The following PI15 variants were observed in gnomAD, a reference collection of about 807,000 sequenced individuals.
PI15 encodes 25 kDa trypsin inhibitor.
Under a neutral mutation model 31.0 loss-of-function variants are expected in PI15, and 18 were observed. The observed-to-expected ratio is 0.58, with a 90% CI of 0.40 to 0.86. PI15 has a LOEUF of 0.86. PI15 is among the 40% of genes least tolerant of loss of function. The pLI is 0.00. For synonymous variants in PI15, 118 were observed against 119.1 expected (o/e 0.99, Z 0.06); for missense variants, 282 against 328.1 (o/e 0.86, Z 1.09).
At chr8:74,828,586 T>C (rs1429062808) in intron 2 of PI15, among the ~76,000 whole-genome samples, 1 of 152,114 alleles carries the variant, frequency 6.6e-6, no homozygotes, top group African/African-American at 2.4e-5. Flanking sequence ...TTGTTCAACA[T>C]TGATTTGGAT....
chr8:74,834,369 A>G (rs1472901252), intron 2 of PI15, among the ~76,000 whole-genome samples: 1 of 152,192 alleles, frequency 6.6e-6, no homozygotes, highest in Non-Finnish European at 1.5e-5. Context: ...AGAAAAACTC[A>G]CAGGCTAGAG....
intron 2 of PI15, among the ~76,000 whole-genome samples, chr8:74,842,117 T>C (rs1586956821): frequency 6.6e-6 from 1 of 152,154 alleles, no homozygotes; most frequent in Non-Finnish European, 1.5e-5. Flanking sequence ...TTGAGGGAAA[T>C]GAAGCCTTTT....
In PI15 at chr8:74,854,055, G is replaced by A. The variant is rs964768489; in HGVS notation, c.*4802G>A. 1 of 151,468 alleles carries A rather than the reference G, an allele frequency of 6.6e-6. No homozygotes were observed. The highest frequency in any genetic ancestry group is 1.5e-5 in the Non-Finnish European group (1 of 67,776). 9.4% of individuals were successfully genotyped at this position (151,468 alleles called of 1,614,324 possible). On this transcript the variant is annotated 3_prime_UTR_variant, in exon 6 of 6. Coordinates refer to ENST00000260113, the MANE Select transcript of PI15 (RefSeq NM_015886.5). ...ATTATTTCTCCACCTTTAATTATTG[G>A]CCTATCATTTGTTAGTGTTATTTGG...
In PI15 at chr8:74,840,014, C is replaced by T. The variant is rs542379638; in HGVS notation, c.274-3967C>T. 1.8e-3 allele frequency among the ~76,000 whole-genome samples: 269 copies of T among 151,954 alleles called. 7 individuals are homozygous for T. The highest frequency in any genetic ancestry group is 6.9e-4 in the Non-Finnish European group (47 of 67,968). On this transcript the variant is annotated intron_variant, in intron 2 of 5. Transcript: ENST00000260113. Reference sequence around the variant, plus strand: ...ACATTCATTACAACTTAGAGCTTCCCGATAGGAAAGAATTAATCATAAGTA... The same window carrying T: ...ACATTCATTACAACTTAGAGCTTCCTGATAGGAAAGAATTAATCATAAGTA...
At chr8:74,844,339 T>C (rs1810989171) in intron 3 of PI15, among the ~76,000 whole-genome samples, 1 of 152,052 alleles carries the variant, frequency 6.6e-6, no homozygotes, top group Admixed American at 6.6e-5. Context: ...GGATTTTTCT[T>C]TGAGCTCGCA....
Position 74,850,872 on chromosome 8 carries a change from C to A in PI15, c.*1619C>A, listed in dbSNP as rs1403137242. On this transcript the variant is annotated 3_prime_UTR_variant, in exon 6 of 6. Coordinates refer to ENST00000260113, the MANE Select transcript of PI15 (RefSeq NM_015886.5). ...TGTGTTTTATTCAGGTTGTGTAATG[C>A]TCCCGTAGAATTATAGAACAATTAA... is the stretch of plus-strand genomic sequence containing the variant. 1 of 152,168 alleles carries A rather than the reference C, an allele frequency of 6.6e-6. No homozygotes were observed. The highest frequency in any genetic ancestry group is 1.9e-4 in the East Asian group (1 of 5,194). The allele number at this position is 152,168 out of a possible 1,614,324, so 9.4% of individuals were successfully genotyped here.
At chr8:74,846,260 G>A (rs1328703693) in intron 5 of PI15, among the ~76,000 whole-genome samples, 3 of 152,232 alleles carry the variant, frequency 2.0e-5, no homozygotes, top group Middle Eastern at 3.4e-3. Context: ...ACAAATAACT[G>A]CATTACTCAT....
At chr8:74,844,468 T>TGTGA (rs1175344844) in intron 3 of PI15, among the ~76,000 whole-genome samples, 1 of 148,188 alleles carries the variant, frequency 6.7e-6, no homozygotes, top group Non-Finnish European at 1.5e-5. Flanking sequence ...TGTGTGTGTG[T>TGTGA]GTATGCATAT....
intron 2 of PI15, among the ~76,000 whole-genome samples, chr8:74,838,026 T>C (rs750998576): frequency 3.3e-5 from 5 of 152,176 alleles, no homozygotes; most frequent in Admixed American, 6.5e-5. Flanking sequence ...ATCACATTTA[T>C]TTAATGTTTG....
intron 2 of PI15, among the ~76,000 whole-genome samples, chr8:74,834,970 G>A (rs1025530069): frequency 6.6e-6 from 1 of 151,660 alleles, no homozygotes; most frequent in Non-Finnish European, 1.5e-5. Context: ...TTGTTATAAT[G>A]GAAAGGGATT....
chr8:74,826,203 A>C (rs1018282410), intron 2 of PI15: 2 of 351,886 alleles, frequency 5.7e-6, no homozygotes, highest in Non-Finnish European at 8.0e-6. Context: ...GAAAGTAAAA[A>C]AAAAAGTTAG....
At chr8:74,825,584 T>C in intron 2 of PI15, 62 bp downstream of exon 2, 1 of 1,333,324 alleles carries the variant, frequency 7.5e-7, no homozygotes, top group Admixed American at 2.0e-5. Flanking sequence ...ATTGTACATC[T>C]GCAGAATCTC....
At chr8:74,843,235 G>T (rs903444775) in intron 2 of PI15, among the ~76,000 whole-genome samples, 2 of 152,134 alleles carry the variant, frequency 1.3e-5, no homozygotes, top group Non-Finnish European at 2.9e-5. Context: ...AGGATGAGCT[G>T]TCCCCAAGTT....
chr8:74,847,909 T>A (rs1453021547), intron 5 of PI15, among the ~76,000 whole-genome samples: 1 of 152,272 alleles, frequency 6.6e-6, no homozygotes, highest in East Asian at 1.9e-4. Context: ...GATAACCAAA[T>A]TTTCTCCCGA....
intron 4 of PI15, 50 bp downstream of exon 4, chr8:74,845,310 T>C (rs750907611): frequency 3.8e-5 from 60 of 1,591,012 alleles, no homozygotes; most frequent in Non-Finnish European, 4.9e-5. Context: ...TAAAATATGC[T>C]AATACTATTT....
chr8:74,827,655 A>G (rs553144738), intron 2 of PI15, among the ~76,000 whole-genome samples: 19 of 152,312 alleles, frequency 1.2e-4, no homozygotes, highest in Non-Finnish European at 2.5e-4. Context: ...CCATGCTTCT[A>G]TTGGGGAGCA....
At chr8:74,831,631 GGTGCAAGGCAGT>G (rs1283939207) in intron 2 of PI15, among the ~76,000 whole-genome samples, 1 of 152,120 alleles carries the variant, frequency 6.6e-6, no homozygotes, top group Non-Finnish European at 1.5e-5. Flanking sequence ...AGACAAGTCA[GGTGCAAGGCAGT>G]GTGCTAAATG....
intron 2 of PI15, among the ~76,000 whole-genome samples, chr8:74,834,636 C>G (rs931233521): frequency 6.6e-5 from 10 of 152,196 alleles, no homozygotes; most frequent in Non-Finnish European, 1.2e-4. Flanking sequence ...GGCACTCCCA[C>G]CTGCCTTTTA....
chr8:74,836,607 A>G (rs186031799), intron 2 of PI15, among the ~76,000 whole-genome samples: 167 of 152,272 alleles, frequency 1.1e-3, no homozygotes, highest in Middle Eastern at 6.8e-3. Context: ...TTTCCGGCAC[A>G]CAGAAGTTGT....
Sources: allele counts gnomAD v4.1 joint callset (sites outside exome capture counted in the v4.1 genomes callset), GRCh38; gene constraint gnomAD v4.1.1; transcripts MANE v1.5; gene names NCBI Gene and HGNC (gene_info 2026-07-23, HGNC 2026-07-21).